Variants in DOCK11 observed in about 807,000 individuals in gnomAD.
DOCK11 encodes dedicator of cytokinesis 11, also known as dedicator of cytokinesis protein 11.
A neutral mutation model predicts 169.1 loss-of-function variants in DOCK11; 70 were observed. That is an observed-to-expected ratio of 0.41 (90% CI 0.34 to 0.51). The LOEUF (loss-of-function observed/expected upper bound fraction) is 0.51. DOCK11 is among the 20% of genes least tolerant of loss of function. DOCK11 has a pLI of 0.10. For synonymous variants in DOCK11, 529 were observed against 541.3 expected, an observed-to-expected ratio of 0.98 and a Z score of 0.32; for missense variants, 1,166 against 1,538.8, an observed-to-expected ratio of 0.76 and a Z score of 4.05.
chrX:118,618,611 A>G lies in DOCK11; in HGVS notation c.3354A>G (p.Leu1118=). Residue 1118 remains leucine, a synonymous_variant, in exon 31 of 53, where the codon CTA becomes CTG. Transcript: ENST00000276202. ...EYCKHHFLVG[L]LLRETSIALQ... ...GCAAGCATCACTTCTTGGTTGGTCT[A>G]CTTCTGAGGGAAACTTCCATTGCTC... 1 of 1,209,383 alleles carries G rather than the reference A, an allele frequency of 8.3e-7. No homozygotes were observed. Among genetic ancestry groups the G allele is most frequent in the South Asian group, 1.8e-5 (1 of 56,851 alleles).
At chrX:118,547,040 G>T (rs1214367771) in intron 6 of DOCK11, among the ~76,000 whole-genome samples, 2 of 109,950 alleles carry the variant, frequency 1.8e-5, no homozygotes, top group African/African-American at 6.6e-5. Context: ...ATAAAATTGT[G>T]CAGAGCCTTG....
intron 32 of DOCK11, among the ~76,000 whole-genome samples, chrX:118,625,357 A>AT (rs2015077882): frequency 9.1e-6 from 1 of 110,354 alleles, no homozygotes; most frequent in African/African-American, 3.3e-5. Context: ...GTGTTTCACC[A>AT]TGTTAGCCAG....
chrX:118,628,126 T>C (rs780075453), intron 33 of DOCK11, 37 bp from the exon 34 acceptor site: 33 of 931,227 alleles, frequency 3.5e-5, no homozygotes, highest in Non-Finnish European at 4.9e-5. Flanking sequence ...CAGTTCCCCC[T>C]CTTGCCAACA....
chrX:118,655,647 T>C (rs187484618), intron 44 of DOCK11, among the ~76,000 whole-genome samples: 1 of 112,075 alleles, frequency 8.9e-6, no homozygotes, highest in East Asian at 2.8e-4. Context: ...ATAAACAGTA[T>C]TGTTGGCTAC....
chrX:118,615,643 A>G lies in DOCK11; in HGVS notation c.3224A>G (p.Asn1075Ser), dbSNP rs867309512. The change falls in exon 30 of 53, where the codon AAT becomes AGT. Residue 1075 changes from asparagine to serine, a missense_variant. Transcript: ENST00000276202. ...YKFEFLQTICNHEHYIPLNLP... is the reference protein window; with the variant it reads ...YKFEFLQTICSHEHYIPLNLP... ...TTTGAATTTCTGCAAACAATTTGCA[A>G]TCACGAACATTACATTCCTCTGAAC... 2 of 1,210,858 alleles carry G rather than the reference A, an allele frequency of 1.7e-6. No homozygotes were observed. Among genetic ancestry groups the G allele is most frequent in the East Asian group, 3.0e-5 (1 of 33,818 alleles).
chrX:118,678,471 T>C (rs1371537208), intron 48 of DOCK11, among the ~76,000 whole-genome samples: 1 of 111,571 alleles, frequency 9.0e-6, no homozygotes, highest in Non-Finnish European at 1.9e-5. Context: ...CTTTTCTTTT[T>C]ATTTTATTTT....
intron 35 of DOCK11, among the ~76,000 whole-genome samples, chrX:118,630,776 A>G (rs1385999680): frequency 8.9e-6 from 1 of 112,746 alleles, no homozygotes; most frequent in Non-Finnish European, 1.9e-5. Context: ...GTTTTCATGC[A>G]GAGCATTTAA....
chrX:118,658,207 G>T (rs2147553898), intron 44 of DOCK11, among the ~76,000 whole-genome samples: 1 of 112,025 alleles, frequency 8.9e-6, no homozygotes, highest in South Asian at 3.7e-4. Context: ...AAGCCAAGAG[G>T]GAAGGAGCAT....
In DOCK11 at chrX:118,614,679, T is replaced by G; in HGVS notation, c.3097-13T>G. 1 of 1,118,446 alleles carries G rather than the reference T, an allele frequency of 8.9e-7. No homozygotes were observed. Among genetic ancestry groups the G allele is most frequent in the Non-Finnish European group, 1.2e-6 (1 of 820,809 alleles). 92.2% of individuals were successfully genotyped at this position (1,118,446 alleles called of 1,213,427 possible). Reference sequence around the variant, plus strand: ...TATGTAATTAACCCTTAGTTTTGTTTTGGTTTCTATAGCGCTGTTTGACAC... The same window carrying G: ...TATGTAATTAACCCTTAGTTTTGTTGTGGTTTCTATAGCGCTGTTTGACAC... On this transcript the variant is annotated splice_polypyrimidine_tract_variant and intron_variant, in intron 28 of 52. Transcript: ENST00000276202.
At chrX:118,659,503 T>A (rs953073699) in intron 44 of DOCK11, among the ~76,000 whole-genome samples, 6 of 112,119 alleles carry the variant, frequency 5.4e-5, no homozygotes, top group Admixed American at 1.9e-4. Context: ...CTAAGAGGAA[T>A]CAGGATTTTC....
At chrX:118,500,728 C>A (rs2057570618) in intron 1 of DOCK11, among the ~76,000 whole-genome samples, 1 of 110,696 alleles carries the variant, frequency 9.0e-6, no homozygotes, top group African/African-American at 3.3e-5. Context: ...TCAAGGGATC[C>A]TCCCACCTCA....
intron 20 of DOCK11, among the ~76,000 whole-genome samples, chrX:118,596,010 A>G (rs1430911013): frequency 2.7e-5 from 3 of 111,859 alleles, no homozygotes; most frequent in Non-Finnish European, 3.8e-5. Context: ...CAACTTTGCA[A>G]ATATACTAAA....
At chrX:118,580,927 T>C (rs952221516) in intron 14 of DOCK11, among the ~76,000 whole-genome samples, 1 of 112,606 alleles carries the variant, frequency 8.9e-6, no homozygotes, top group Admixed American at 9.4e-5. Flanking sequence ...AGTCATTAAA[T>C]GTGAGTGTGT....
rs772003924 is a variant in DOCK11 at position 118,681,679 on chromosome X, T to C, written c.5863-15T>C. On this transcript the variant is annotated splice_polypyrimidine_tract_variant and intron_variant, in intron 50 of 52. Coordinates refer to ENST00000276202, the MANE Select transcript of DOCK11 (RefSeq NM_144658.4). Reference sequence around the variant, plus strand: ...ATTCTGGAAACACTCTCATTTTTCTTCTATTGTGATATAGGTCAATGCTGG... The same window carrying C: ...ATTCTGGAAACACTCTCATTTTTCTCCTATTGTGATATAGGTCAATGCTGG... The C allele has an allele frequency of 2.7e-6, 3 of 1,104,843 alleles. No homozygotes were observed. In the South Asian group the frequency reaches 6.9e-5, roughly 25 times the overall value. The allele number at this position is 1,104,843 out of a possible 1,213,427, so 91.1% of individuals were successfully genotyped here.
intron 7 of DOCK11, among the ~76,000 whole-genome samples, chrX:118,563,515 G>C (rs1603067561): frequency 9.4e-6 from 1 of 106,600 alleles, no homozygotes; most frequent in East Asian, 3.0e-4. Flanking sequence ...AAAGTATAAA[G>C]CTCTATGTGA....
At chrX:118,629,909 C>T (rs1157931515) in intron 34 of DOCK11, among the ~76,000 whole-genome samples, 2 of 105,981 alleles carry the variant, frequency 1.9e-5, no homozygotes, top group Non-Finnish European at 3.9e-5. Context: ...CCCACCTGAG[C>T]GTCCCAAAAC....
At chrX:118,607,482 C>A (rs1603113248) in intron 24 of DOCK11, among the ~76,000 whole-genome samples, 1 of 81,301 alleles carries the variant, frequency 1.2e-5, no homozygotes, top group African/African-American at 4.9e-5. Context: ...AGTGCAGTGG[C>A]GTGATCTTGG....
chrX:118,530,431 C>G (rs955634347), intron 1 of DOCK11, among the ~76,000 whole-genome samples: 1 of 112,362 alleles, frequency 8.9e-6, no homozygotes, highest in Admixed American at 9.4e-5. Flanking sequence ...TTAAAAACCA[C>G]TTCTGGCTCC....
chrX:118,562,691 C>T (rs747403087), intron 7 of DOCK11, among the ~76,000 whole-genome samples: 2 of 111,901 alleles, frequency 1.8e-5, no homozygotes, highest in Non-Finnish European at 3.8e-5. Context: ...GCTTGCCTTA[C>T]ATTTTTTTCC....
Sources: allele counts gnomAD v4.1 joint callset (sites outside exome capture counted in the v4.1 genomes callset), GRCh38; gene constraint gnomAD v4.1.1; transcripts MANE v1.5; gene names NCBI Gene and HGNC (gene_info 2026-07-23, HGNC 2026-07-21).